The following MTFR1 variants were observed in gnomAD, a reference collection of about 807,000 sequenced individuals.
The protein encoded by MTFR1 is chondrocyte protein with a poly-proline region.
In MTFR1, 28 loss-of-function variants were observed where a neutral mutation model predicts 38.8. That is an observed-to-expected ratio of 0.72 (90% CI 0.53 to 0.99). The LOEUF is 0.99. Ranked by LOEUF, MTFR1 falls within the 50% of genes least tolerant of loss-of-function variation. The pLI is 0.00. For missense variants in MTFR1, 358 were observed against 395.5 expected, an observed-to-expected ratio of 0.91 and a Z score of 0.81; for synonymous variants, 145 against 137.0, an observed-to-expected ratio of 1.06 and a Z score of -0.41.
intron 3 of MTFR1, chr8:65,723,620 T>A (rs758503841): frequency 6.5e-7 from 1 of 1,544,634 alleles, no homozygotes; most frequent in Admixed American, 2.1e-5. Context: ...TTTCTATATC[T>A]CCTATAAATT....
intron 1 of MTFR1, among the ~76,000 whole-genome samples, chr8:65,669,198 A>C (rs943870883): frequency 9.9e-5 from 15 of 152,154 alleles, no homozygotes; most frequent in Admixed American, 9.8e-4. Context: ...TAGCAAATGG[A>C]CCAGTACAGA....
downstream of MTFR1, chr8:65,710,634 AT>A (rs1487598903): frequency 6.6e-6 from 1 of 152,042 alleles, no homozygotes; most frequent in African/African-American, 2.4e-5. Context: ...CTTTAGAATA[AT>A]TTTCTTTCTG....
At chr8:65,769,635 C>A (rs550259020) in intron 3 of MTFR1, among the ~76,000 whole-genome samples, 1 of 152,312 alleles carries the variant, frequency 6.6e-6, no homozygotes, top group South Asian at 2.1e-4. Flanking sequence ...GTAGCTCATA[C>A]CTGTAATCCC....
chr8:65,647,102 TTACAGGAAGATAGA>T lies in MTFR1; in HGVS notation c.-81+2332_-81+2345del, dbSNP rs546136536. Among the ~76,000 whole-genome samples the T allele has an allele frequency of 7.9e-5, 12 of 152,290 alleles. No individual in the cohort carries two copies. In the South Asian group the frequency reaches 2.3e-3, roughly 29 times the overall value. On this transcript the variant is annotated intron_variant, in intron 1 of 7. Transcript: ENST00000262146. Reference sequence around the variant, plus strand: ...AAGAAGTGACATGATCAAAGTTATCTTACAGGAAGATAGATACAGGAAGATAGCTGGTACTGTCA... The same window carrying T: ...AAGAAGTGACATGATCAAAGTTATCTTACAGGAAGATAGCTGGTACTGTCA...
chr8:65,675,234 A>C (rs1804678748), intron 2 of MTFR1, among the ~76,000 whole-genome samples: 1 of 152,142 alleles, frequency 6.6e-6, no homozygotes, highest in South Asian at 2.1e-4. Flanking sequence ...CACAGGTTGC[A>C]GTGAGCCGAG....
At chr8:65,654,252 T>G (rs1288457810) in intron 1 of MTFR1, among the ~76,000 whole-genome samples, 1 of 152,162 alleles carries the variant, frequency 6.6e-6, no homozygotes, top group Non-Finnish European at 1.5e-5. Context: ...ATTTCACCAC[T>G]GTTTCTGTTA....
intron 3 of MTFR1, chr8:65,745,333 AC>A: frequency 1.2e-6 from 1 of 862,778 alleles, no homozygotes; most frequent in South Asian, 1.3e-5. Context: ...AATGAAAGCA[AC>A]GCACCAGCGG....
intron 1 of MTFR1, among the ~76,000 whole-genome samples, chr8:65,645,425 T>C (rs1301154227): frequency 6.6e-6 from 1 of 152,196 alleles, no homozygotes; most frequent in Non-Finnish European, 1.5e-5. Context: ...ATTATGGAAA[T>C]CTTCAAACTG....
At chr8:65,710,579 T>TTTTC (rs772235425), downstream of MTFR1, 5 of 152,490 alleles carry the variant, frequency 3.3e-5, no homozygotes, top group Non-Finnish European at 5.9e-5. Context: ...TGCTTCCATT[T>TTTTC]TTTCTTTTTT....
At chr8:65,665,724 A>G (rs963419657) in intron 1 of MTFR1, among the ~76,000 whole-genome samples, 4 of 152,220 alleles carry the variant, frequency 2.6e-5, no homozygotes, top group Admixed American at 6.5e-5. Flanking sequence ...CCTGAGCTCA[A>G]GGGACCCTCC....
chr8:65,690,278 T>C lies in MTFR1; in HGVS notation c.166-3366T>C, dbSNP rs193208438. Among the ~76,000 whole-genome samples, 311 of 152,296 alleles carry C rather than the reference T, an allele frequency of 2.0e-3. 1 individual carries two copies. Among genetic ancestry groups the C allele is most frequent in the African/African-American group, 7.2e-3 (301 of 41,586 alleles). Reference sequence around the variant, plus strand: ...GGCTGGGCGTGGTGGTGCATACCTATAATCCCAGCACTTTGGGAGGCTGAG... The same window carrying C: ...GGCTGGGCGTGGTGGTGCATACCTACAATCCCAGCACTTTGGGAGGCTGAG... On this transcript the variant is annotated intron_variant, in intron 3 of 7. Transcript: ENST00000262146.
intron 4 of MTFR1, among the ~76,000 whole-genome samples, chr8:65,702,829 TA>T (rs1443553625): frequency 6.6e-6 from 1 of 151,944 alleles, no homozygotes; most frequent in Non-Finnish European, 1.5e-5. Context: ...GGTGAGGAGC[TA>T]AAAAGGCCTT....
chr8:65,723,501 G>A (rs755311591), intron 3 of MTFR1: 3 of 1,397,316 alleles, frequency 2.1e-6, no homozygotes, highest in South Asian at 3.9e-5. Flanking sequence ...AAAAACAGTG[G>A]CATTTTTCTA....
At chr8:65,731,304 G>C (rs1035960016) in intron 3 of MTFR1, among the ~76,000 whole-genome samples, 3 of 152,124 alleles carry the variant, frequency 2.0e-5, no homozygotes, top group South Asian at 4.1e-4. Context: ...GGAAGGATGC[G>C]GGGGCCAGGG....
downstream of MTFR1, among the ~76,000 whole-genome samples, chr8:65,773,351 C>T (rs1809166168): frequency 1.3e-5 from 2 of 152,106 alleles, no homozygotes; most frequent in South Asian, 4.1e-4. Context: ...AACTATAGGA[C>T]CAAGTCTATA....
chr8:65,660,304 A>G (rs1337805728), intron 1 of MTFR1, among the ~76,000 whole-genome samples: 1 of 147,716 alleles, frequency 6.8e-6, no homozygotes, highest in East Asian at 1.9e-4. Flanking sequence ...AAAAAAAAAA[A>G]AAAAAGACAA....
At chr8:65,713,470 A>ACACACACAC (rs1563462271), downstream of MTFR1, among the ~76,000 whole-genome samples, 2 of 151,436 alleles carry the variant, frequency 1.3e-5, no homozygotes, top group South Asian at 4.2e-4. Context: ...ACACACACAC[A>ACACACACAC]CACACACACA....
At chr8:65,745,004 A>T (rs1255747538) in intron 3 of MTFR1, among the ~76,000 whole-genome samples, 2 of 152,052 alleles carry the variant, frequency 1.3e-5, no homozygotes, top group Admixed American at 1.3e-4. Context: ...TGTGGGAGGG[A>T]CCCGGTGGGA....
chr8:65,738,488 A>G (rs1807251919), intron 3 of MTFR1, among the ~76,000 whole-genome samples: 1 of 152,246 alleles, frequency 6.6e-6, no homozygotes, highest in Admixed American at 6.5e-5. Context: ...GGTAGAACCA[A>G]CTAGGAGAAA....
Sources: allele counts gnomAD v4.1 joint callset (sites outside exome capture counted in the v4.1 genomes callset), GRCh38; gene constraint gnomAD v4.1.1; transcripts MANE v1.5; gene names NCBI Gene and HGNC (gene_info 2026-07-23, HGNC 2026-07-21).